HOXA13: variants seen among roughly 807,000 people sequenced by gnomAD.
HOXA13 encodes homeobox A13, also known as homeobox protein Hox-A13.
HOXA13 carries 5 observed loss-of-function variants against 25.7 expected under a neutral mutation model. The observed-to-expected ratio is 0.19, with a 90% CI of 0.10 to 0.41. The LOEUF (loss-of-function observed/expected upper bound fraction) is 0.41. Ranked by LOEUF, HOXA13 falls within the 10% of genes least tolerant of loss-of-function variation. The pLI is 1.00. For missense variants in HOXA13, 557 were observed against 533.5 expected, an observed-to-expected ratio of 1.04 and a Z score of -0.43; for synonymous variants, 284 against 241.1, an observed-to-expected ratio of 1.18 and a Z score of -1.65.
chr7:27,198,438 C>G lies in HOXA13; in HGVS notation c.927G>C (p.Val309=), dbSNP rs1171028591. The change falls in exon 2 of 2, where the codon GTG becomes GTC. Residue 309 remains valine (V), a synonymous_variant. Coordinates refer to ENST00000649031, the MANE Select transcript of HOXA13 (RefSeq NM_000522.5). Reference sequence around the variant, plus strand: ...AGCTGGCATCCGAGGGATGGGAGACCACGTCTAGAAGACAAGGGAGAAGGC... The same window carrying G: ...AGCTGGCATCCGAGGGATGGGAGACGACGTCTAGAAGACAAGGGAGAAGGC... ...PHLWKSTLPD[V]VSHPSDASSY... is the part of the protein sequence containing the mutation. 6.2e-7 allele frequency: 1 copy of G among 1,613,848 alleles called. No homozygotes were observed.
In HOXA13 at chr7:27,197,992, C is replaced by A. The variant is rs539703551; in HGVS notation, c.*206G>T. 1.9e-4 allele frequency: 117 copies of A among 631,858 alleles called. No individual in the cohort carries two copies. The highest frequency in any genetic ancestry group is 2.9e-4 in the Non-Finnish European group (108 of 368,676). 39.1% of individuals were successfully genotyped at this position (631,858 alleles called of 1,614,324 possible). A position where few individuals can be genotyped will look rare whatever the true frequency, so the allele number is the denominator to read the frequency against. On this transcript the variant is annotated 3_prime_UTR_variant, in exon 2 of 2. Transcript: ENST00000649031. The stretch of plus-strand genomic sequence containing the variant: ...CTGATGGGGTTGGCGGAAGAACTGG[C>A]AGTCTTTACCTTTCTTAAAGTTTTA...
At position 27,196,520 on chromosome 7, in the gene HOXA13, T is replaced by C. The variant is rs2067289573; in HGVS notation, c.*1678A>G. 1 of 152,188 alleles carries C rather than the reference T, an allele frequency of 6.6e-6. No individual in the cohort carries two copies. The highest frequency in any genetic ancestry group is 2.4e-5 in the African/African-American group (1 of 41,442). 9.4% of individuals were successfully genotyped at this position (152,188 alleles called of 1,614,324 possible). A position where few individuals can be genotyped will look rare whatever the true frequency, so the allele number is the denominator to read the frequency against. On this transcript the variant is annotated 3_prime_UTR_variant, in exon 2 of 2. Coordinates refer to ENST00000649031, the MANE Select transcript of HOXA13 (RefSeq NM_000522.5). ...TTTCAACAAATATCAAAACCTGCCC[T>C]CTCAGACACATGCAGACCCAACAGC...
At position 27,198,384 on chromosome 7, in the gene HOXA13, C is replaced by T. The variant is rs1452126983; in HGVS notation, c.981G>A (p.Val327=). ...SSYRRGRKKR[V]PYTKVQLKEL... is the part of the protein sequence containing the mutation. Reference sequence around the variant, plus strand: ...CTTTTAATTGCACCTTGGTATAAGGCACGCGCTTCTTTCTCCCCCTCCTAT... The same window carrying T: ...CTTTTAATTGCACCTTGGTATAAGGTACGCGCTTCTTTCTCCCCCTCCTAT... Residue 327 remains valine (V), a synonymous_variant, in exon 2 of 2, where the codon GTG becomes GTA. Transcript: ENST00000649031. 6.2e-7 allele frequency: 1 copy of T among 1,614,058 alleles called. No homozygotes were observed. Among genetic ancestry groups the T allele is most frequent in the Non-Finnish European group, 8.5e-7 (1 of 1,180,024 alleles).
In HOXA13 at chr7:27,197,929, T is replaced by G; in HGVS notation, c.*269A>C. On this transcript the variant is annotated 3_prime_UTR_variant, in exon 2 of 2. Coordinates refer to ENST00000649031, the MANE Select transcript of HOXA13 (RefSeq NM_000522.5). ...ACTGCGTAACTTATCTGAAATTGCG[T>G]ATTTTGGGGGTTGACGTTTGACATT... The G allele has an allele frequency of 2.0e-6, 1 of 509,136 alleles. No homozygotes were observed. Among genetic ancestry groups the G allele is most frequent in the Non-Finnish European group, 3.5e-6 (1 of 283,660 alleles). The allele number at this position is 509,136 out of a possible 1,614,324, so 31.5% of individuals were successfully genotyped here.
Position 27,199,627 on chromosome 7 carries a change from T to G in HOXA13, c.451A>C (p.Lys151Gln). 1 of 1,341,942 alleles carries G rather than the reference T, an allele frequency of 7.5e-7. No homozygotes were observed. Among genetic ancestry groups the G allele is most frequent in the Non-Finnish European group, 9.5e-7 (1 of 1,055,572 alleles). The allele number at this position is 1,341,942 out of a possible 1,614,324, so 83.1% of individuals were successfully genotyped here. ...GCTGCCGAGCAGGGGCTGCATTGCT[T>G]GGCGGCCTCTGCGCCCGCCGGGCCC... is the stretch of plus-strand genomic sequence containing the variant. ...PAGPAGAEAA[K>Q]QCSPCSAAAQ... The change falls in exon 1 of 2, where the codon AAG (lysine) becomes CAG (glutamine). Residue 151 changes from lysine to glutamine, a missense_variant. Physicochemically the swap from Lys to Gln is moderately conservative, Grantham distance 53. Coordinates refer to ENST00000649031, the MANE Select transcript of HOXA13 (RefSeq NM_000522.5).
In HOXA13 at chr7:27,199,445, C is replaced by T. The variant is rs35277569; in HGVS notation, c.633G>A (p.Met211Ile). Residue 211 changes from methionine (M) to isoleucine (I), a missense_variant, in exon 1 of 2, where the codon ATG becomes ATA. By Grantham distance (10) the Met-to-Ile change is conservative (BLOSUM62 1). Coordinates refer to ENST00000649031, the MANE Select transcript of HOXA13 (RefSeq NM_000522.5). ...CCTCGGCAGCTGGGCCGGCGGTATC[C>T]ATGTACTTGTCCGCGAAGGCGGCGG... ...AAAAAFADKY[M>I]DTAGPAAEEF... 1.2e-6 allele frequency: 2 copies of T among 1,613,608 alleles called. 1 individual carries two copies. The highest frequency in any genetic ancestry group is 2.2e-5 in the South Asian group (2 of 91,084).
At position 27,199,198 on chromosome 7, in the gene HOXA13, C is replaced by T. The variant is rs1393058385; in HGVS notation, c.880G>A (p.Glu294Lys). Residue 294 changes from glutamate (E) to lysine (K), a missense_variant, in exon 1 of 2, where the codon GAG (glutamate) becomes AAG (lysine). By Grantham distance (56) the Glu-to-Lys change is moderately conservative (BLOSUM62 1). Transcript: ENST00000649031. ...CAGAGGTGGGGAGGCTGCGCCTGCT[C>T]TTTGGGGCAGTACATTTGGCCGTTC... Reference protein sequence around the residue: ...GWNGQMYCPKEQAQPPHLWKS... With the variant: ...GWNGQMYCPKKQAQPPHLWKS... 6 of 1,613,174 alleles carry T rather than the reference C, an allele frequency of 3.7e-6. No individual in the cohort carries two copies. The highest frequency in any genetic ancestry group is 5.1e-6 in the Non-Finnish European group (6 of 1,179,688).
Position 27,199,181 on chromosome 7 carries a change from G to C in HOXA13, c.897C>G (p.Pro299=). 2 of 1,612,438 alleles carry C rather than the reference G, an allele frequency of 1.2e-6. No individual in the cohort carries two copies. Among genetic ancestry groups the C allele is most frequent in the East Asian group, 2.2e-5 (1 of 44,828 alleles). Reference sequence around the variant, plus strand: ...CGGGCAGAGTGGACTTCCAGAGGTGGGGAGGCTGCGCCTGCTCTTTGGGGC... The same window carrying C: ...CGGGCAGAGTGGACTTCCAGAGGTGCGGAGGCTGCGCCTGCTCTTTGGGGC... ...MYCPKEQAQP[P]HLWKSTLPDV... is the part of the protein sequence containing the mutation. Residue 299 remains proline (P), a synonymous_variant, in exon 1 of 2, where the codon CCC becomes CCG. Transcript: ENST00000649031.
At position 27,198,367 on chromosome 7, in the gene HOXA13, T is replaced by A. The variant is rs1404022159; in HGVS notation, c.998A>T (p.Gln333Leu). ...RKKRVPYTKV[Q>L]LKELEREYAT... is the part of the protein sequence containing the mutation. ...GTATTCCCGTTCAAGTTCTTTTAAT[T>A]GCACCTTGGTATAAGGCACGCGCTT... Residue 333 changes from glutamine (Q) to leucine (L), a missense_variant, in exon 2 of 2, where the codon CAA becomes CTA. Coordinates refer to ENST00000649031, the MANE Select transcript of HOXA13 (RefSeq NM_000522.5). 6.2e-7 allele frequency: 1 copy of A among 1,614,238 alleles called. No homozygotes were observed.
chr7:27,198,771 T>C, intron 1 of HOXA13: 2 of 502,964 alleles, frequency 4.0e-6, no homozygotes, highest in Non-Finnish European at 7.2e-6. Context: ...GCCTCCTTTC[T>C]GGGTGCCCGT....
At position 27,200,004 on chromosome 7, in the gene HOXA13, C is replaced by T. The variant is rs1409500504; in HGVS notation, c.74G>A (p.Gly25Asp). The T allele has an allele frequency of 1.5e-5, 22 of 1,485,190 alleles. No individual in the cohort carries two copies. Among genetic ancestry groups the T allele is most frequent in the Non-Finnish European group, 1.9e-5 (21 of 1,105,216 alleles). 92.0% of individuals were successfully genotyped at this position (1,485,190 alleles called of 1,614,324 possible). A position where few individuals can be genotyped will look rare whatever the true frequency, so the allele number is the denominator to read the frequency against. ...CTTGTTGAGCTCGTCGGCCACCAGG[C>T]CGCCGCCGTTGTCGTAGAGAAACAT... ...TVMFLYDNGG[G>D]LVADELNKNM... Residue 25 changes from glycine to aspartate, a missense_variant, in exon 1 of 2, where the codon GGC becomes GAC. Physicochemically the swap from Gly to Asp is moderately conservative, Grantham distance 94. Coordinates refer to ENST00000649031, the MANE Select transcript of HOXA13 (RefSeq NM_000522.5).
In HOXA13 at chr7:27,198,426, G is replaced by A. The variant is rs1784032170; in HGVS notation, c.939C>T (p.Pro313=). Reference sequence around the variant, plus strand: ...CCCTCCTATAGGAGCTGGCATCCGAGGGATGGGAGACCACGTCTAGAAGAC... The same window carrying A: ...CCCTCCTATAGGAGCTGGCATCCGAAGGATGGGAGACCACGTCTAGAAGAC... The part of the protein sequence containing the change: ...KSTLPDVVSH[P]SDASSYRRGR... The change falls in exon 2 of 2, where the codon CCC becomes CCT. Residue 313 remains proline, a synonymous_variant. Transcript: ENST00000649031. The A allele has an allele frequency of 5.0e-6, 8 of 1,613,914 alleles. No individual in the cohort carries two copies. The highest frequency in any genetic ancestry group is 1.3e-5 in the African/African-American group (1 of 74,914).
rs1784003875 is a variant in HOXA13, at chr7:27,196,367, C to A, written c.*1831G>T. 6.6e-6 allele frequency: 1 copy of A among 152,192 alleles called. No homozygotes were observed. The highest frequency in any genetic ancestry group is 6.5e-5 in the Admixed American group (1 of 15,270). 9.4% of individuals were successfully genotyped at this position (152,192 alleles called of 1,614,324 possible). On this transcript the variant is annotated 3_prime_UTR_variant, in exon 2 of 2. Transcript: ENST00000649031. ...GTTGAAGAATTACAAGGAGGCTTGT[C>A]AACGCGAGGTGGCGCCCTTGATCTA...
Position 27,196,915 on chromosome 7 carries a change from T to C in HOXA13, c.*1283A>G, listed in dbSNP as rs1784010548. The C allele has an allele frequency of 5.6e-6, 1 of 177,756 alleles. No individual in the cohort carries two copies. Among genetic ancestry groups the C allele is most frequent in the Non-Finnish European group, 1.2e-5 (1 of 84,058 alleles). The allele number at this position is 177,756 out of a possible 1,614,324, so 11.0% of individuals were successfully genotyped here. Reference sequence around the variant, plus strand: ...ATTTTATTAACAATTAATATTACGATATCACTATCTACAGGTCTAAGGGTT... The same window carrying C: ...ATTTTATTAACAATTAATATTACGACATCACTATCTACAGGTCTAAGGGTT... On this transcript the variant is annotated 3_prime_UTR_variant, in exon 2 of 2. Coordinates refer to ENST00000649031, the MANE Select transcript of HOXA13 (RefSeq NM_000522.5).
Position 27,198,132 on chromosome 7 carries a change from A to T in HOXA13, c.*66T>A. On this transcript the variant is annotated 3_prime_UTR_variant, in exon 2 of 2. Transcript: ENST00000649031. ...ATTATTATTAAGCATTATTATCATT[A>T]TCTGGGCAAAGCAACGAGTTCTGAA... is the stretch of plus-strand genomic sequence containing the variant. 3 of 1,549,572 alleles carry T rather than the reference A, an allele frequency of 1.9e-6. No homozygotes were observed. The highest frequency in any genetic ancestry group is 2.7e-6 in the Non-Finnish European group (3 of 1,123,594).
In HOXA13 at chr7:27,199,694, GGCGGCTGCAGCGGCAGCC is replaced by G. The variant is rs1034648478; in HGVS notation, c.366_383del (p.Ala128_Ala133del). ...CCGAGGACGACGCGGCGGCGGCGGC[GGCGGCTGCAGCGGCAGCC>G]GCGGCAGCAGCGGCGGCAGCCGACG... On this transcript the variant is annotated inframe_deletion, in exon 1 of 2. Transcript: ENST00000649031. 8.1e-6 allele frequency: 9 copies of G among 1,106,614 alleles called. No homozygotes were observed. The Admixed American group carries it at 1.5e-4, about 19-fold the overall frequency. 68.5% of individuals were successfully genotyped at this position (1,106,614 alleles called of 1,614,324 possible). A position where few individuals can be genotyped will look rare whatever the true frequency, so the allele number is the denominator to read the frequency against.
In HOXA13 at chr7:27,194,832, G is replaced by A. The variant is rs1783986241; in HGVS notation, c.*3366C>T. The A allele has an allele frequency of 6.6e-6, 1 of 152,230 alleles. No individual in the cohort carries two copies. The highest frequency in any genetic ancestry group is 6.5e-5 in the Admixed American group (1 of 15,284). The allele number at this position is 152,230 out of a possible 1,614,324, so 9.4% of individuals were successfully genotyped here. A position where few individuals can be genotyped will look rare whatever the true frequency, so the allele number is the denominator to read the frequency against. ...TGGCTTTCGAAAGGGGCGGGATCCC[G>A]GCTGGAGAGCTGCTGTTGGCCTCCT... is the stretch of plus-strand genomic sequence containing the variant. On this transcript the variant is annotated 3_prime_UTR_variant, in exon 2 of 2. Coordinates refer to ENST00000649031, the MANE Select transcript of HOXA13 (RefSeq NM_000522.5).
rs746306335 is a variant in HOXA13, at chr7:27,195,496, A to G, written c.*2702T>C. ...GTGTATATTAAATATACAAACATAC[A>G]TATGTATTCTTTATGACTCTGAATA... On this transcript the variant is annotated 3_prime_UTR_variant, in exon 2 of 2. Transcript: ENST00000649031. 20 of 152,244 alleles carry G rather than the reference A, an allele frequency of 1.3e-4. No individual in the cohort carries two copies. The highest frequency in any genetic ancestry group is 2.6e-4 in the Non-Finnish European group (18 of 68,040). The allele number at this position is 152,244 out of a possible 1,614,324, so 9.4% of individuals were successfully genotyped here.
Position 27,197,963 on chromosome 7 carries a change from TG to T in HOXA13, c.*234del. ...GGTTGACGTTTGACATTTAACGGGCTGGGCTGATGGGGTTGGCGGAAGAACT... is the reference window on the plus strand; with the variant it reads ...GGTTGACGTTTGACATTTAACGGGCTGGCTGATGGGGTTGGCGGAAGAACT... On this transcript the variant is annotated 3_prime_UTR_variant, in exon 2 of 2. Coordinates refer to ENST00000649031, the MANE Select transcript of HOXA13 (RefSeq NM_000522.5). 1.8e-6 allele frequency: 1 copy of T among 570,400 alleles called. No individual in the cohort carries two copies. The highest frequency in any genetic ancestry group is 3.1e-6 in the Non-Finnish European group (1 of 322,020). 35.3% of individuals were successfully genotyped at this position (570,400 alleles called of 1,614,324 possible).
Sources: allele counts gnomAD v4.1 joint callset, GRCh38; gene constraint gnomAD v4.1.1; transcripts MANE v1.5; gene names NCBI Gene and HGNC (gene_info 2026-07-23, HGNC 2026-07-21).